RPRD1B: variants seen among roughly 807,000 people sequenced by gnomAD.
RPRD1B encodes regulation of nuclear pre-mRNA domain containing 1B, also known as regulation of nuclear pre-mRNA domain-containing protein 1B.
RPRD1B carries 11 observed loss-of-function variants against 41.5 expected under a neutral mutation model. The observed-to-expected ratio is 0.27, with a 90% CI of 0.17 to 0.44. RPRD1B has a LOEUF of 0.44. Among genes scored for constraint, RPRD1B ranks in the 20% least tolerant of loss-of-function variants. RPRD1B has a pLI of 1.00. For synonymous variants in RPRD1B, 158 were observed against 155.6 expected, an observed-to-expected ratio of 1.02 and a Z score of -0.12; for missense variants, 248 against 389.9, an observed-to-expected ratio of 0.64 and a Z score of 3.06.
At chr20:38,070,051 T>G (rs2074396324) in intron 6 of RPRD1B, among the ~76,000 whole-genome samples, 1 of 145,744 alleles carries the variant, frequency 6.9e-6, no homozygotes, top group East Asian at 2.0e-4. Flanking sequence ...GCTTAACAAA[T>G]CTGATTTAAT....
intron 6 of RPRD1B, among the ~76,000 whole-genome samples, chr20:38,066,800 C>T (rs1339869164): frequency 5.9e-5 from 9 of 152,104 alleles, no homozygotes; most frequent in African/African-American, 9.7e-5. Flanking sequence ...GAACTACAGG[C>T]GTCCACCACC....
At chr20:38,037,914 T>C (rs367813934) in intron 1 of RPRD1B, among the ~76,000 whole-genome samples, 2 of 152,320 alleles carry the variant, frequency 1.3e-5, no homozygotes, top group East Asian at 3.9e-4. Context: ...TAATGAAATT[T>C]GCTTTGTTGA....
Position 38,033,937 on chromosome 20 carries a change from C to T in RPRD1B, c.-11C>T. The T allele has an allele frequency of 1.2e-6, 2 of 1,603,714 alleles. No individual in the cohort carries two copies. Among genetic ancestry groups the T allele is most frequent in the Non-Finnish European group, 8.5e-7 (1 of 1,174,430 alleles). On this transcript the variant is annotated 5_prime_UTR_variant, in exon 1 of 7. Coordinates refer to ENST00000373433, the MANE Select transcript of RPRD1B (RefSeq NM_021215.4). The stretch of plus-strand genomic sequence containing the variant: ...CCAGGCCGCTCCCTGCCGGGCCTCA[C>T]TGCCGCCACCATGTCCTCCTTCTCT...
At chr20:38,078,080 A>C (rs2074480869) in intron 6 of RPRD1B, among the ~76,000 whole-genome samples, 1 of 151,696 alleles carries the variant, frequency 6.6e-6, no homozygotes, top group Non-Finnish European at 1.5e-5. Context: ...AGGCAGGAGG[A>C]TCACTTGAGC....
chr20:38,088,884 T>A (rs1035360005), intron 6 of RPRD1B, among the ~76,000 whole-genome samples: 10 of 151,954 alleles, frequency 6.6e-5, no homozygotes, highest in African/African-American at 2.4e-4. Flanking sequence ...GTCCAGATAG[T>A]CCAAGGAGCA....
chr20:38,049,744 T>A (rs1284326290), intron 3 of RPRD1B: 5 of 471,104 alleles, frequency 1.1e-5, no homozygotes, highest in Non-Finnish European at 2.2e-5. Flanking sequence ...TAATTCTAGT[T>A]GGCATGACAT....
chr20:38,079,362 G>GT (rs1377423133), intron 6 of RPRD1B, among the ~76,000 whole-genome samples: 4 of 151,928 alleles, frequency 2.6e-5, no homozygotes, highest in Admixed American at 6.6e-5. Flanking sequence ...TGTCATCCAG[G>GT]TAATTGGCAT....
At position 38,090,005 on chromosome 20, in the gene RPRD1B, C is replaced by G; in HGVS notation, c.*130C>G. The G allele has an allele frequency of 2.1e-6, 3 of 1,459,312 alleles. No individual in the cohort carries two copies. Among genetic ancestry groups the G allele is most frequent in the Non-Finnish European group, 2.7e-6 (3 of 1,110,334 alleles). 90.4% of individuals were successfully genotyped at this position (1,459,312 alleles called of 1,614,324 possible). ...CAGCCCCCCAGCCTCAAGAAAGAAC[C>G]TCAGACTCTGATTCTCCTCTTCAGC... On this transcript the variant is annotated 3_prime_UTR_variant, in exon 7 of 7. Coordinates refer to ENST00000373433, the MANE Select transcript of RPRD1B (RefSeq NM_021215.4).
At chr20:38,086,093 G>A (rs1367542434) in intron 6 of RPRD1B, among the ~76,000 whole-genome samples, 1 of 152,132 alleles carries the variant, frequency 6.6e-6, no homozygotes, top group African/African-American at 2.4e-5. Context: ...GGGATTACAG[G>A]CGTGAACCAC....
chr20:38,088,733 A>C (rs1281414908), intron 6 of RPRD1B, among the ~76,000 whole-genome samples: 1 of 152,246 alleles, frequency 6.6e-6, no homozygotes, highest in Non-Finnish European at 1.5e-5. Context: ...AGGAACATAG[A>C]AGTCTCACAT....
intron 6 of RPRD1B, among the ~76,000 whole-genome samples, chr20:38,080,130 G>A (rs2074499967): frequency 6.6e-6 from 1 of 152,130 alleles, no homozygotes; most frequent in South Asian, 2.1e-4. Context: ...TTTGATGGTG[G>A]CATAGTTTGC....
At chr20:38,062,709 A>G (rs1230946273) in intron 5 of RPRD1B, among the ~76,000 whole-genome samples, 7 of 151,916 alleles carry the variant, frequency 4.6e-5, no homozygotes, top group Admixed American at 2.6e-4. Flanking sequence ...CCTCTTGCTC[A>G]GCCATCATTC....
Position 38,088,073 on chromosome 20 carries a change from A to G in RPRD1B, c.832-1653A>G, listed in dbSNP as rs115009344. Among the ~76,000 whole-genome samples the G allele has an allele frequency of 8.7e-3, 1,321 of 152,292 alleles. 22 individuals are homozygous for G. Among genetic ancestry groups the G allele is most frequent in the African/African-American group, 0.028 (1,182 of 41,556 alleles). ...CAAAGAAAAGAAATGGGCTGCTAGGAGAGCTCACTCTCTACCCTTTTCTCT... is the reference window on the plus strand; with the variant it reads ...CAAAGAAAAGAAATGGGCTGCTAGGGGAGCTCACTCTCTACCCTTTTCTCT... On this transcript the variant is annotated intron_variant, in intron 6 of 6. Coordinates refer to ENST00000373433, the MANE Select transcript of RPRD1B (RefSeq NM_021215.4).
chr20:38,077,737 A>G (rs1361407655), intron 6 of RPRD1B, among the ~76,000 whole-genome samples: 1 of 152,142 alleles, frequency 6.6e-6, no homozygotes, highest in East Asian at 1.9e-4. Context: ...CAGTAGCCTC[A>G]TGACTGATCA....
At position 38,091,941 on chromosome 20, in the gene RPRD1B, G is replaced by T; in HGVS notation, c.*2066G>T. The T allele has an allele frequency of 1.0e-6, 1 of 985,796 alleles. No homozygotes were observed. The highest frequency in any genetic ancestry group is 1.2e-6 in the Non-Finnish European group (1 of 829,880). The allele number at this position is 985,796 out of a possible 1,614,324, so 61.1% of individuals were successfully genotyped here. A position where few individuals can be genotyped will look rare whatever the true frequency, so the allele number is the denominator to read the frequency against. On this transcript the variant is annotated 3_prime_UTR_variant, in exon 7 of 7. Transcript: ENST00000373433. ...TGGCCTCTTAATACCTGTTACTAGTGGACTTCCTGTGAGGAAGTTAGTTTT... is the reference window on the plus strand; with the variant it reads ...TGGCCTCTTAATACCTGTTACTAGTTGACTTCCTGTGAGGAAGTTAGTTTT...
rs1198613066 is a variant in RPRD1B at position 38,057,569 on chromosome 20, G to C, written c.453G>C (p.Gln151His). 1.4e-5 allele frequency: 22 copies of C among 1,614,110 alleles called. No homozygotes were observed. Among genetic ancestry groups the C allele is most frequent in the Non-Finnish European group, 1.9e-5 (22 of 1,179,982 alleles). ...EEKKSLKRTF[Q>H]QIQEEEDDDY... The stretch of plus-strand genomic sequence containing the variant: ...AGAAATCTCTGAAACGAACTTTTCA[G>C]CAAATTCAGGAGGAGGAGGATGACG... The change falls in exon 4 of 7, where the codon CAG becomes CAC. Residue 151 changes from glutamine (Q) to histidine (H), a missense_variant. Physicochemically the swap from Gln to His is conservative, Grantham distance 24. Coordinates refer to ENST00000373433, the MANE Select transcript of RPRD1B (RefSeq NM_021215.4).
chr20:38,055,846 A>G (rs998306560), intron 3 of RPRD1B, among the ~76,000 whole-genome samples: 7 of 152,278 alleles, frequency 4.6e-5, no homozygotes, highest in African/African-American at 1.7e-4. Flanking sequence ...GACTTCAAGA[A>G]TGATGTGATT....
At chr20:38,048,196 G>A in intron 2 of RPRD1B, 152 bp from the exon 3 acceptor site, 1 of 682,136 alleles carries the variant, frequency 1.5e-6, no homozygotes, top group Non-Finnish European at 2.2e-6. Flanking sequence ...TCAAGTTTTG[G>A]GTATCCAGGT....
chr20:38,069,692 TAGC>T (rs764072498), intron 6 of RPRD1B, among the ~76,000 whole-genome samples: 3 of 152,276 alleles, frequency 2.0e-5, no homozygotes, highest in Admixed American at 2.0e-4. Context: ...CAGGGGGAAA[TAGC>T]AGCAAACAAG....
Sources: gnomAD v4.1 joint callset for allele counts (sites outside exome capture counted in the v4.1 genomes callset) on GRCh38, gnomAD v4.1.1 for gene constraint, MANE v1.5 for transcripts, NCBI Gene and HGNC (gene_info 2026-07-23, HGNC 2026-07-21) for gene names.